Variants in NAALADL2 observed in about 807,000 individuals in gnomAD.
NAALADL2 encodes N-acetylated alpha-linked acidic dipeptidase like 2.
NAALADL2 carries 76 observed loss-of-function variants against 87.2 expected under a neutral mutation model. The ratio of observed to expected loss-of-function variants is 0.87; its 90% confidence interval spans 0.72 to 1.05. The LOEUF (loss-of-function observed/expected upper bound fraction) is 1.05, where lower values mean the gene tolerates loss of function less well. Ranked by LOEUF, NAALADL2 falls within the 50% of genes least tolerant of loss-of-function variation. The pLI is 0.00. For synonymous variants in NAALADL2, 354 were observed against 331.0 expected (o/e 1.07, Z -0.75); for missense variants, 1,089 against 945.8 (o/e 1.15, Z -1.99).
intron 2 of NAALADL2, among the ~76,000 whole-genome samples, chr3:174,703,704 A>C (rs1015815156): frequency 2.6e-5 from 4 of 152,194 alleles, no homozygotes; most frequent in Non-Finnish European, 4.4e-5. Flanking sequence ...TGTAGATTTT[A>C]TAACCTCGTT....
rs370456423 is a variant in NAALADL2, at chr3:174,823,638, G to C, written c.-9+85892G>C. 2.0e-5 allele frequency among the ~76,000 whole-genome samples: 3 copies of C among 152,112 alleles called. No individual in the cohort carries two copies. In the East Asian group the frequency reaches 5.8e-4, roughly 29 times the overall value. On this transcript the variant is annotated intron_variant, in intron 3 of 3. Transcript: ENST00000434257. Reference sequence around the variant, plus strand: ...AACAATTTCATTCTTTTATGCCCTTGCTCCTCTTTATTATAAGGAAAGAAA... The same window carrying C: ...AACAATTTCATTCTTTTATGCCCTTCCTCCTCTTTATTATAAGGAAAGAAA...
intron 2 of NAALADL2, among the ~76,000 whole-genome samples, chr3:174,636,563 T>C (rs1005200606): frequency 1.3e-5 from 2 of 152,080 alleles, no homozygotes; most frequent in African/African-American, 4.8e-5. Context: ...ATGCTCAACA[T>C]CACTGTTCAT....
At chr3:175,616,797 G>A (rs2149687257) in intron 10 of NAALADL2, among the ~76,000 whole-genome samples, 1 of 152,256 alleles carries the variant, frequency 6.6e-6, no homozygotes, top group East Asian at 1.9e-4. Flanking sequence ...AGGGTTTGAG[G>A]AGGCCCTGCA....
At chr3:175,238,916 C>T (rs1384330096) in intron 3 of NAALADL2, among the ~76,000 whole-genome samples, 1 of 152,114 alleles carries the variant, frequency 6.6e-6, no homozygotes, top group African/African-American at 2.4e-5. Context: ...GCAAAGCTTC[C>T]CACAACTTTT....
intron 2 of NAALADL2, among the ~76,000 whole-genome samples, chr3:175,097,916 G>A (rs1219841063): frequency 6.6e-6 from 1 of 152,146 alleles, no homozygotes; most frequent in East Asian, 1.9e-4. Context: ...GTTGTTTGTA[G>A]GCAGAGAGAG....
intron 11 of NAALADL2, among the ~76,000 whole-genome samples, chr3:175,640,796 G>A (rs949764742): frequency 7.9e-5 from 12 of 152,076 alleles, no homozygotes; most frequent in African/African-American, 2.4e-4. Flanking sequence ...TGTTGTATAC[G>A]AGTTTTTATA....
At chr3:174,574,229 G>T (rs1223904363) in intron 2 of NAALADL2, among the ~76,000 whole-genome samples, 1 of 150,414 alleles carries the variant, frequency 6.6e-6, no homozygotes, top group African/African-American at 2.5e-5. Context: ...TTCAAGAAGA[G>T]GGAATTTTTG....
chr3:175,688,543 T>A (rs1736619517), intron 11 of NAALADL2, among the ~76,000 whole-genome samples: 2 of 152,174 alleles, frequency 1.3e-5, no homozygotes, highest in African/African-American at 4.8e-5. Flanking sequence ...TGTCAATTCC[T>A]TGCTGTTCTT....
intron 1 of NAALADL2, among the ~76,000 whole-genome samples, chr3:174,503,719 A>T (rs1397896180): frequency 1.3e-5 from 2 of 152,142 alleles, no homozygotes; most frequent in Non-Finnish European, 2.9e-5. Context: ...AATGATCTGG[A>T]GTTGGTAGAC....
intron 2 of NAALADL2, among the ~76,000 whole-genome samples, chr3:174,736,506 AG>A (rs1733214974): frequency 6.6e-6 from 1 of 151,992 alleles, no homozygotes; most frequent in Non-Finnish European, 1.5e-5. Flanking sequence ...TCCTCTCCAC[AG>A]CTGGTTGTCC....
chr3:174,996,870 A>G (rs989137742), intron 1 of NAALADL2, among the ~76,000 whole-genome samples: 8 of 152,058 alleles, frequency 5.3e-5, no homozygotes, highest in African/African-American at 1.9e-4. Flanking sequence ...TTCCACTGAT[A>G]AATGAGAACA....
At chr3:175,668,997 T>C (rs1016339451) in intron 11 of NAALADL2, among the ~76,000 whole-genome samples, 1 of 152,122 alleles carries the variant, frequency 6.6e-6, no homozygotes, top group African/African-American at 2.4e-5. Context: ...ATTTAACCAA[T>C]GGAGAAGAGA....
intron 11 of NAALADL2, among the ~76,000 whole-genome samples, chr3:175,716,564 C>A (rs1375915821): frequency 6.6e-6 from 1 of 152,058 alleles, no homozygotes; most frequent in South Asian, 2.1e-4. Flanking sequence ...GAACTGGAGG[C>A]AGAGCACTTC....
intron 5 of NAALADL2, among the ~76,000 whole-genome samples, chr3:175,398,604 C>A (rs1431036234): frequency 2.0e-5 from 3 of 151,896 alleles, no homozygotes; most frequent in Admixed American, 2.0e-4. Flanking sequence ...CTGAGTTGAA[C>A]TACTGTAAAT....
chr3:174,689,793 G>T (rs568850753), intron 2 of NAALADL2, among the ~76,000 whole-genome samples: 2 of 152,186 alleles, frequency 1.3e-5, no homozygotes, highest in African/African-American at 4.8e-5. Flanking sequence ...GTATTTTGAA[G>T]TCAGGAAAAT....
chr3:175,140,179 G>A (rs567808043), intron 2 of NAALADL2, among the ~76,000 whole-genome samples: 42 of 152,262 alleles, frequency 2.8e-4, no homozygotes, highest in African/African-American at 9.9e-4. Flanking sequence ...TGGCCATCTG[G>A]TAGGATAGTT....
At chr3:174,762,447 C>G (rs1032974954) in intron 3 of NAALADL2, among the ~76,000 whole-genome samples, 4 of 148,772 alleles carry the variant, frequency 2.7e-5, no homozygotes, top group African/African-American at 1.0e-4. Flanking sequence ...GCCACCGCGC[C>G]CAGCAGCATT....
chr3:174,601,293 C>A (rs1718436965), intron 2 of NAALADL2, among the ~76,000 whole-genome samples: 1 of 152,132 alleles, frequency 6.6e-6, no homozygotes. Flanking sequence ...TCCACATCCT[C>A]ACCAGCATTT....
intron 1 of NAALADL2, among the ~76,000 whole-genome samples, chr3:174,492,691 T>C (rs1373046835): frequency 6.6e-6 from 1 of 152,252 alleles, no homozygotes; most frequent in African/African-American, 2.4e-5. Context: ...TGTATATTAA[T>C]TTCTTCATTT....
Sources: allele counts gnomAD v4.1 joint callset (sites outside exome capture counted in the v4.1 genomes callset), GRCh38; gene constraint gnomAD v4.1.1; transcripts MANE v1.5; gene names NCBI Gene and HGNC (gene_info 2026-07-23, HGNC 2026-07-21).